CLASRP: variants seen among roughly 807,000 people sequenced by gnomAD.
CLASRP encodes CLK4 associating serine/arginine rich protein, also known as CLK4-associating serine/arginine rich protein.
Under a neutral mutation model 99.9 loss-of-function variants are expected in CLASRP, and 52 were observed. The observed-to-expected ratio is 0.52, with a 90% CI of 0.42 to 0.66. The LOEUF (loss-of-function observed/expected upper bound fraction) is 0.66, where lower values mean the gene tolerates loss of function less well. Among genes scored for constraint, CLASRP ranks in the 30% least tolerant of loss-of-function variants. The pLI, the probability that CLASRP is intolerant of heterozygous loss-of-function variation, is 0.00. For missense variants in CLASRP, 848 were observed against 999.2 expected, an observed-to-expected ratio of 0.85 and a Z score of 2.04; for synonymous variants, 379 against 373.0, an observed-to-expected ratio of 1.02 and a Z score of -0.18.
intron 15 of CLASRP, 111 bp from the exon 16 acceptor site, chr19:45,068,309 T>TGTGCCCCCCCCCCC: frequency 3.1e-6 from 2 of 651,144 alleles, no homozygotes; most frequent in Non-Finnish European, 5.6e-6. Context: ...CCCACGTCGT[T>TGTGCCCCCCCCCCC]CTCCCCCCCC....
chr19:45,059,580 T>C (rs1484762497), intron 8 of CLASRP, among the ~76,000 whole-genome samples: 1 of 152,158 alleles, frequency 6.6e-6, no homozygotes, highest in Admixed American at 6.5e-5. Flanking sequence ...CAGCCTGCCC[T>C]ACTTAGTGCG....
chr19:45,070,496 C>T, intron 19 of CLASRP, 41 bp from the exon 20 acceptor site: 3 of 1,608,114 alleles, frequency 1.9e-6, no homozygotes, highest in Non-Finnish European at 2.6e-6. Context: ...GGCCCTGGCC[C>T]TGGATGTTTG....
At chr19:45,054,547 C>T (rs1972087176) in intron 5 of CLASRP, among the ~76,000 whole-genome samples, 1 of 152,230 alleles carries the variant, frequency 6.6e-6, no homozygotes, top group Admixed American at 6.5e-5. Context: ...CCGCGCCTGG[C>T]CATCACCCCA....
At position 45,070,030 on chromosome 19, in the gene CLASRP, A is replaced by G; in HGVS notation, c.1883A>G (p.Glu628Gly). Reference sequence around the variant, plus strand: ...ATGCCATGCCTTCGCAGGGAGCGGGAACGCCGAGAGAAGGAGAGAGAAGAG... The same window carrying G: ...ATGCCATGCCTTCGCAGGGAGCGGGGACGCCGAGAGAAGGAGAGAGAAGAG... ...MARKIRMKERERREKEREEWE... is the reference protein window; with the variant it reads ...MARKIRMKERGRREKEREEWE... Residue 628 changes from glutamate to glycine, a missense_variant, in exon 19 of 21, where the codon GAA (glutamate) becomes GGA (glycine). By Grantham distance (98) the Glu-to-Gly change is moderately conservative. Transcript: ENST00000221455. 1 of 1,599,488 alleles carries G rather than the reference A, an allele frequency of 6.3e-7. No individual in the cohort carries two copies. The highest frequency in any genetic ancestry group is 8.6e-7 in the Non-Finnish European group (1 of 1,166,768).
At chr19:45,055,646 C>G (rs1360256027) in intron 5 of CLASRP, among the ~76,000 whole-genome samples, 1 of 152,042 alleles carries the variant, frequency 6.6e-6, no homozygotes, top group Non-Finnish European at 1.5e-5. Flanking sequence ...CCAGCCTGAC[C>G]AATATGGAGA....
At position 45,064,209 on chromosome 19, in the gene CLASRP, G is replaced by T; in HGVS notation, c.1103G>T (p.Gly368Val). 1.3e-6 allele frequency: 2 copies of T among 1,599,378 alleles called. No homozygotes were observed. Among genetic ancestry groups the T allele is most frequent in the Non-Finnish European group, 1.7e-6 (2 of 1,174,222 alleles). ...CCCCAGCCTGGCGGCCCCGCCCCGGGACGTAATGCCAGCGCCCGGTCGGTA... is the reference window on the plus strand; with the variant it reads ...CCCCAGCCTGGCGGCCCCGCCCCGGTACGTAATGCCAGCGCCCGGTCGGTA... ...APPQPGGPAPGRNASARRRSS... is the reference protein window; with the variant it reads ...APPQPGGPAPVRNASARRRSS... Residue 368 changes from glycine to valine, a missense_variant, in exon 12 of 21, where the codon GGA becomes GTA. Physicochemically the swap from Gly to Val is moderately radical, Grantham distance 109. This residue lies in a region of CLASRP where 489 missense variants were observed against 434.7 expected (regional missense o/e 1.12). Transcript: ENST00000221455.
chr19:45,045,484 T>C (rs1250079845), intron 2 of CLASRP, among the ~76,000 whole-genome samples: 1 of 152,108 alleles, frequency 6.6e-6, no homozygotes, highest in Non-Finnish European at 1.5e-5. Context: ...ACCACTGCAC[T>C]CCAGCCTGAG....
At chr19:45,051,282 C>T (rs772693273) in intron 2 of CLASRP, among the ~76,000 whole-genome samples, 7 of 152,094 alleles carry the variant, frequency 4.6e-5, no homozygotes, top group Middle Eastern at 3.4e-3. Context: ...GCCACCACCT[C>T]GAGAGGAACC....
chr19:45,067,788 C>T lies in CLASRP; in HGVS notation c.1667+194C>T, dbSNP rs951357331. 6.6e-6 allele frequency among the ~76,000 whole-genome samples: 1 copy of T among 152,118 alleles called. No individual in the cohort carries two copies. The highest frequency in any genetic ancestry group is 2.4e-5 in the African/African-American group (1 of 41,426). On this transcript the variant is annotated intron_variant, in intron 14 of 20. Transcript: ENST00000221455. The surrounding 1 kb of genome is among the most constrained non-coding windows in gnomAD (Gnocchi z 4.9). Reference sequence around the variant, plus strand: ...GGGGTCTGAGGAGGACACACCAAATCCTGGAGGATCTGCACAATTAGAACC... The same window carrying T: ...GGGGTCTGAGGAGGACACACCAAATTCTGGAGGATCTGCACAATTAGAACC...
intron 2 of CLASRP, among the ~76,000 whole-genome samples, chr19:45,050,864 C>T (rs1052641871): frequency 6.6e-6 from 1 of 151,554 alleles, no homozygotes; most frequent in East Asian, 2.0e-4. Flanking sequence ...TTACAGGCGC[C>T]TGCCACCATG....
chr19:45,042,342 A>T (rs1158858264), intron 2 of CLASRP, among the ~76,000 whole-genome samples: 1 of 152,000 alleles, frequency 6.6e-6, no homozygotes, highest in Non-Finnish European at 1.5e-5. Context: ...AGGAGCCAGG[A>T]CTGGAGGCCA....
At chr19:45,044,541 G>A (rs906508734) in intron 2 of CLASRP, among the ~76,000 whole-genome samples, 1 of 152,110 alleles carries the variant, frequency 6.6e-6, no homozygotes, top group South Asian at 2.1e-4. Context: ...TTTCACCTGC[G>A]CCTTATCATG....
chr19:45,067,400 T>TAGCCGC lies in CLASRP; in HGVS notation c.1483_1488dup (p.Arg495_Ser496dup), dbSNP rs1568422339. ...GCCGGGGCCTCAGGCACCACAGCAG[T>TAGCCGC]AGCCGCAGCCGCAGCAGCTGGTCCC... On this transcript the variant is annotated inframe_insertion, in exon 14 of 21. Coordinates refer to ENST00000221455, the MANE Select transcript of CLASRP (RefSeq NM_007056.3). This position sits in a 1 kb window ranked among gnomAD's most constrained non-coding sequence, Gnocchi z 4.9. 3 of 1,533,794 alleles carry TAGCCGC rather than the reference T, an allele frequency of 2.0e-6. No individual in the cohort carries two copies. Among genetic ancestry groups the TAGCCGC allele is most frequent in the Non-Finnish European group, 2.6e-6 (3 of 1,144,078 alleles).
Position 45,060,296 on chromosome 19 carries a change from C to G in CLASRP, c.711-93C>G. On this transcript the variant is annotated intron_variant, in intron 8 of 20. Transcript: ENST00000221455. This position sits in a 1 kb window ranked among gnomAD's most constrained non-coding sequence, Gnocchi z 4.6. ...TACCTCAGGCTGGCGTGGGGTGACT[C>G]AGGTCCCTCACTTTCTCTGATGACT... The G allele has an allele frequency of 1.7e-6, 2 of 1,151,634 alleles. No homozygotes were observed. Among genetic ancestry groups the G allele is most frequent in the Non-Finnish European group, 1.3e-6 (1 of 765,066 alleles). The allele number at this position is 1,151,634 out of a possible 1,614,324, so 71.3% of individuals were successfully genotyped here. A position where few individuals can be genotyped will look rare whatever the true frequency, so the allele number is the denominator to read the frequency against.
intron 1 of CLASRP, 107 bp from the exon 2 acceptor site, chr19:45,040,077 G>C: frequency 1.6e-6 from 1 of 608,364 alleles, no homozygotes; most frequent in East Asian, 2.9e-5. Context: ...GAAGCTAAGA[G>C]ATGTGTTGTT....
At chr19:45,048,948 T>C (rs1404746183) in intron 2 of CLASRP, among the ~76,000 whole-genome samples, 2 of 152,146 alleles carry the variant, frequency 1.3e-5, no homozygotes, top group Non-Finnish European at 2.9e-5. Context: ...ATCGCGCCAT[T>C]GCACTCCAGC....
chr19:45,060,392 G>A lies in CLASRP; in HGVS notation c.714G>A (p.Met238Ile). The A allele has an allele frequency of 6.2e-7, 1 of 1,614,020 alleles. No individual in the cohort carries two copies. The highest frequency in any genetic ancestry group is 8.5e-7 in the Non-Finnish European group (1 of 1,179,926). Residue 238 changes from methionine (M) to isoleucine (I), a missense_variant, in exon 9 of 21, where the codon ATG becomes ATA. By Grantham distance (10) the Met-to-Ile change is conservative (BLOSUM62 1). Around this residue, in one of 8 missense-constraint regions of CLASRP, gnomAD observed 119 missense variants for 170.2 expected, o/e 0.70. Coordinates refer to ENST00000221455, the MANE Select transcript of CLASRP (RefSeq NM_007056.3). This position sits in a 1 kb window ranked among gnomAD's most constrained non-coding sequence, Gnocchi z 4.6. ...TAATTCTCACCCACCTCTATAGGAT[G>A]CTCCGGAAAGACAAGGAGGAGGCAG... ...YGMADGDFVR[M>I]LRKDKEEAEA...
intron 1 of CLASRP, chr19:45,039,780 C>T (rs546672371): frequency 1.2e-5 from 2 of 169,352 alleles, no homozygotes; most frequent in South Asian, 1.2e-4. Flanking sequence ...TCATACCCAA[C>T]CCCACGCATG....
chr19:45,051,791 AC>A (rs1209646190), intron 2 of CLASRP, among the ~76,000 whole-genome samples: 2 of 151,944 alleles, frequency 1.3e-5, no homozygotes, highest in Non-Finnish European at 2.9e-5. Flanking sequence ...ACACAGTGAA[AC>A]CCTGTCTCTA....
Sources: gnomAD v4.1 joint callset for allele counts (sites outside exome capture counted in the v4.1 genomes callset) on GRCh38, gnomAD v4.1.1 for gene constraint, gnomAD v4.1.1 regional missense constraint, Gnocchi (gnomAD v3.1) non-coding constraint, MANE v1.5 for transcripts, NCBI Gene and HGNC (gene_info 2026-07-23, HGNC 2026-07-21) for gene names.